Variants in GSK3B observed in about 807,000 individuals in gnomAD.
GSK3B encodes the protein glycogen synthase kinase 3 beta, also known as glycogen synthase kinase-3 beta.
In GSK3B, 15 loss-of-function variants were observed where a neutral mutation model predicts 56.4. The observed-to-expected ratio is 0.27, with a 90% CI of 0.18 to 0.41. The LOEUF (loss-of-function observed/expected upper bound fraction) is 0.41. Ranked by LOEUF, GSK3B falls within the 10% of genes least tolerant of loss-of-function variation. GSK3B has a pLI of 1.00. For missense variants in GSK3B, 300 were observed against 513.4 expected, an observed-to-expected ratio of 0.58 and a Z score of 4.02; for synonymous variants, 181 against 188.9, an observed-to-expected ratio of 0.96 and a Z score of 0.34.
intron 2 of GSK3B, among the ~76,000 whole-genome samples, chr3:120,001,269 C>T (rs1000454841): frequency 1.2e-4 from 19 of 152,164 alleles, no homozygotes; most frequent in East Asian, 7.7e-4. Flanking sequence ...TGGTGGCTCA[C>T]GCCTGTAATC....
At position 119,897,443 on chromosome 3, in the gene GSK3B, C is replaced by A. The variant is rs148044517; in HGVS notation, c.813+8312G>T. Reference sequence around the variant, plus strand: ...ATATCGTATGTGTAATACCCACTTTCTACAGGTGGTTATTATTAACTGTAG... The same window carrying A: ...ATATCGTATGTGTAATACCCACTTTATACAGGTGGTTATTATTAACTGTAG... On this transcript the variant is annotated intron_variant, in intron 7 of 10. Coordinates refer to ENST00000264235, the MANE Select transcript of GSK3B (RefSeq NM_001146156.2). Among the ~76,000 whole-genome samples the A allele has an allele frequency of 4.2e-3, 640 of 151,964 alleles. 1 individual carries two copies. Among genetic ancestry groups the A allele is most frequent in the African/African-American group, 0.015 (605 of 41,472 alleles).
rs543718947 is a variant in GSK3B at position 119,923,616 on chromosome 3, T to C, written c.367-133A>G. On this transcript the variant is annotated intron_variant, in intron 3 of 10. Transcript: ENST00000264235. The stretch of plus-strand genomic sequence containing the variant: ...AAGATTAATGTGTCACTTTTAATTA[T>C]ATAAAATTACTTCAGAATATAACCA... The C allele has an allele frequency of 1.8e-5, 8 of 453,330 alleles. No homozygotes were observed. In the East Asian group the frequency reaches 2.0e-4, roughly 11 times the overall value. The allele number at this position is 453,330 out of a possible 1,614,324, so 28.1% of individuals were successfully genotyped here. A position where few individuals can be genotyped will look rare whatever the true frequency, so the allele number is the denominator to read the frequency against.
At chr3:120,014,161 A>G (rs967705022) in intron 1 of GSK3B, among the ~76,000 whole-genome samples, 6 of 151,260 alleles carry the variant, frequency 4.0e-5, no homozygotes, top group Admixed American at 2.6e-4. Flanking sequence ...CAAAAACAAA[A>G]CAAACAACAA....
chr3:119,906,954 T>C (rs946764393), intron 6 of GSK3B, among the ~76,000 whole-genome samples: 2 of 152,034 alleles, frequency 1.3e-5, no homozygotes, highest in African/African-American at 4.8e-5. Context: ...CAAACTCGAG[T>C]TGATTTTGTC....
chr3:119,964,522 G>T (rs2057302091), intron 2 of GSK3B, among the ~76,000 whole-genome samples: 1 of 152,118 alleles, frequency 6.6e-6, no homozygotes, highest in Non-Finnish European at 1.5e-5. Context: ...CACAGAAGGA[G>T]AAATACTGCA....
At chr3:119,920,597 T>C (rs995966017) in intron 4 of GSK3B, among the ~76,000 whole-genome samples, 4 of 152,194 alleles carry the variant, frequency 2.6e-5, no homozygotes, top group Non-Finnish European at 4.4e-5. Flanking sequence ...TGGGATCTAA[T>C]GGGTAAAACT....
chr3:119,942,885 G>A (rs962404344), intron 3 of GSK3B, among the ~76,000 whole-genome samples: 2 of 152,122 alleles, frequency 1.3e-5, no homozygotes, highest in Non-Finnish European at 2.9e-5. Flanking sequence ...TAAGAGAGGA[G>A]GTACTACTTA....
chr3:119,916,433 G>A (rs1264593127), intron 4 of GSK3B, among the ~76,000 whole-genome samples: 1 of 152,118 alleles, frequency 6.6e-6, no homozygotes, highest in Non-Finnish European at 1.5e-5. Context: ...ATTTTACAAT[G>A]TGCTTTATAA....
chr3:119,869,684 C>G (rs2056228534), intron 8 of GSK3B, among the ~76,000 whole-genome samples: 1 of 152,158 alleles, frequency 6.6e-6, no homozygotes, highest in Admixed American at 6.5e-5. Context: ...TTCTTGAAAA[C>G]TGTGACTTTT....
chr3:119,996,517 T>C (rs1446105110), intron 2 of GSK3B, among the ~76,000 whole-genome samples: 1 of 152,194 alleles, frequency 6.6e-6, no homozygotes, highest in African/African-American at 2.4e-5. Flanking sequence ...ATGAAAAGTA[T>C]TCAAATTCCC....
At chr3:119,944,791 T>C (rs1242574669) in intron 3 of GSK3B, among the ~76,000 whole-genome samples, 1 of 152,162 alleles carries the variant, frequency 6.6e-6, no homozygotes, top group Non-Finnish European at 1.5e-5. Flanking sequence ...AAAACTCTTC[T>C]CATATATAAT....
At position 120,093,496 on chromosome 3, in the gene GSK3B, G is replaced by A. The variant is rs2058532591; in HGVS notation, c.-62C>T. 2.8e-6 allele frequency: 3 copies of A among 1,084,106 alleles called. No homozygotes were observed. Among genetic ancestry groups the A allele is most frequent in the Admixed American group, 1.7e-5 (1 of 57,850 alleles). The allele number at this position is 1,084,106 out of a possible 1,614,324, so 67.2% of individuals were successfully genotyped here. ...CTCCTTTTCTTCCTTTTGTCTTTAT[G>A]TTGGGGTGTTAGGTTAACGATAAAT... On this transcript the variant is annotated 5_prime_UTR_variant, in exon 1 of 11. Coordinates refer to ENST00000264235, the MANE Select transcript of GSK3B (RefSeq NM_001146156.2).
intron 10 of GSK3B, among the ~76,000 whole-genome samples, chr3:119,828,683 A>G (rs145081392): frequency 2.0e-5 from 3 of 152,334 alleles, no homozygotes; most frequent in East Asian, 3.9e-4. Context: ...ACACATAGGG[A>G]ACTCTATGAT....
At chr3:119,924,465 C>A (rs2056871998) in intron 3 of GSK3B, among the ~76,000 whole-genome samples, 1 of 152,182 alleles carries the variant, frequency 6.6e-6, no homozygotes, top group Non-Finnish European at 1.5e-5. Context: ...TCCATATTAT[C>A]AGTGGCCACA....
chr3:119,972,557 TC>T (rs1433587122), intron 2 of GSK3B, among the ~76,000 whole-genome samples: 1 of 152,108 alleles, frequency 6.6e-6, no homozygotes, highest in East Asian at 1.9e-4. Context: ...TGCCTCAGCC[TC>T]CCGAGTAGCT....
intron 3 of GSK3B, among the ~76,000 whole-genome samples, chr3:119,928,414 G>C (rs188639452): frequency 0.024 from 3,691 of 151,848 alleles, 117 homozygotes; most frequent in Admixed American, 0.095. Flanking sequence ...GACCATCCTG[G>C]CTAACACGGT....
chr3:119,912,874 G>A, intron 5 of GSK3B, 64 bp from the exon 6 acceptor site: 1 of 708,882 alleles, frequency 1.4e-6, no homozygotes, highest in Non-Finnish European at 2.5e-6. Flanking sequence ...AAAGAACTTA[G>A]ACTGCTATCC....
chr3:120,051,832 G>A (rs1326357243), intron 1 of GSK3B, among the ~76,000 whole-genome samples: 3 of 151,708 alleles, frequency 2.0e-5, no homozygotes, highest in African/African-American at 4.8e-5. Flanking sequence ...TTGCAAATAG[G>A]AAGTATTTTG....
At chr3:120,080,829 CA>C (rs916815368) in intron 1 of GSK3B, among the ~76,000 whole-genome samples, 55 of 136,082 alleles carry the variant, frequency 4.0e-4, no homozygotes, top group South Asian at 1.6e-3. Context: ...GACTCAGTCT[CA>C]AAAAAAAAAA....
Sources: allele counts gnomAD v4.1 joint callset (sites outside exome capture counted in the v4.1 genomes callset), GRCh38; gene constraint gnomAD v4.1.1; transcripts MANE v1.5; gene names NCBI Gene and HGNC (gene_info 2026-07-23, HGNC 2026-07-21).